The following ADAMTSL1 variants were observed in gnomAD, a reference collection of about 807,000 sequenced individuals.
The protein encoded by ADAMTSL1 is ADAMTS like 1.
A neutral mutation model predicts 201.8 loss-of-function variants in ADAMTSL1; 126 were observed. The observed-to-expected ratio is 0.62, with a 90% CI of 0.54 to 0.72. ADAMTSL1 has a LOEUF of 0.72. ADAMTSL1 is among the 30% of genes least tolerant of loss of function. ADAMTSL1 has a pLI of 0.00. For missense variants in ADAMTSL1, 2,679 were observed against 2,277.8 expected (o/e 1.18, Z -3.59); for synonymous variants, 1,121 against 903.4 (o/e 1.24, Z -4.32).
chr9:17,952,511 AC>A (rs1430809142), intron 1 of ADAMTSL1, among the ~76,000 whole-genome samples: 1 of 152,084 alleles, frequency 6.6e-6, no homozygotes, highest in African/African-American at 2.4e-5. Context: ...AGGTTCTCAT[AC>A]AAGTAGAGAA....
At position 18,525,299 on chromosome 9, in the gene ADAMTSL1, AT is replaced by A. The variant is rs540858653; in HGVS notation, c.192-7942del. 3.4e-3 allele frequency among the ~76,000 whole-genome samples: 521 copies of A among 152,088 alleles called. 1 individual carries two copies. The highest frequency in any genetic ancestry group is 0.012 in the African/African-American group (488 of 41,482). Reference sequence around the variant, plus strand: ...GATCAGTGGTGATATCCCCTTTATCATTTTTTATTGCATCTATTTGATTCTT... The same window carrying A: ...GATCAGTGGTGATATCCCCTTTATCATTTTTATTGCATCTATTTGATTCTT... On this transcript the variant is annotated intron_variant, in intron 2 of 28. Coordinates refer to ENST00000380548, the MANE Select transcript of ADAMTSL1 (RefSeq NM_001040272.6).
intron 2 of ADAMTSL1, among the ~76,000 whole-genome samples, chr9:18,333,728 A>G (rs1368511152): frequency 6.6e-6 from 1 of 152,200 alleles, no homozygotes; most frequent in Non-Finnish European, 1.5e-5. Context: ...CATTATAAGA[A>G]AAAAACAAAG....
intron 20 of ADAMTSL1, among the ~76,000 whole-genome samples, chr9:18,810,940 GT>G (rs992840177): frequency 3.9e-5 from 5 of 127,512 alleles, no homozygotes; most frequent in African/African-American, 1.5e-4. Context: ...AATTTGTTGG[GT>G]TTTCTTTTTG....
At chr9:17,978,197 C>T (rs72697419) in intron 1 of ADAMTSL1, among the ~76,000 whole-genome samples, 6,597 of 151,858 alleles carry the variant, frequency 0.043, 187 homozygotes, top group Non-Finnish European at 0.063. Context: ...TCCTTAAAGC[C>T]GAAGTGAGTC....
intron 2 of ADAMTSL1, among the ~76,000 whole-genome samples, chr9:18,425,715 A>T (rs1472056576): frequency 6.6e-6 from 1 of 151,654 alleles, no homozygotes; most frequent in Non-Finnish European, 1.5e-5. Flanking sequence ...AAAATAGCTG[A>T]GCAGGTGGTG....
intron 2 of ADAMTSL1, among the ~76,000 whole-genome samples, chr9:18,383,791 T>C (rs56790980): frequency 0.12 from 17,930 of 152,228 alleles, 1,134 homozygotes; most frequent in Middle Eastern, 0.15. Flanking sequence ...GAGGCCAAGC[T>C]CAGGTATGGA....
At chr9:18,812,854 A>G (rs1189330730) in intron 20 of ADAMTSL1, among the ~76,000 whole-genome samples, 3 of 151,666 alleles carry the variant, frequency 2.0e-5, no homozygotes, top group African/African-American at 7.3e-5. Flanking sequence ...TGAGTTCTCT[A>G]TTCTGTTCCA....
chr9:18,204,501 A>G (rs1829572449), intron 2 of ADAMTSL1, among the ~76,000 whole-genome samples: 2 of 152,276 alleles, frequency 1.3e-5, no homozygotes, highest in African/African-American at 4.8e-5. Flanking sequence ...AGTTCTTCAT[A>G]GTAGTATGAA....
At chr9:18,491,356 G>A (rs1022897630) in intron 1 of ADAMTSL1, among the ~76,000 whole-genome samples, 4 of 152,174 alleles carry the variant, frequency 2.6e-5, no homozygotes, top group African/African-American at 9.7e-5. Flanking sequence ...TGCTAAGCAT[G>A]TTAATGCAAT....
intron 23 of ADAMTSL1, among the ~76,000 whole-genome samples, chr9:18,865,075 A>T (rs1235732593): frequency 6.6e-6 from 1 of 152,064 alleles, no homozygotes; most frequent in Non-Finnish European, 1.5e-5. Flanking sequence ...GTTCTAGGGT[A>T]CATGTGCACA....
intron 1 of ADAMTSL1, among the ~76,000 whole-genome samples, chr9:18,130,943 C>G (rs1825926601): frequency 6.6e-6 from 1 of 152,118 alleles, no homozygotes; most frequent in East Asian, 1.9e-4. Flanking sequence ...AGTGGTTTTA[C>G]TCATTTCTAT....
At chr9:18,466,383 A>G (rs1563977293) in intron 2 of ADAMTSL1, among the ~76,000 whole-genome samples, 1 of 152,136 alleles carries the variant, frequency 6.6e-6, no homozygotes, top group Non-Finnish European at 1.5e-5. Flanking sequence ...GCCATACTCA[A>G]CAAGTTCCAA....
intron 4 of ADAMTSL1, among the ~76,000 whole-genome samples, chr9:18,603,399 T>C (rs1046730116): frequency 6.6e-6 from 1 of 151,762 alleles, no homozygotes; most frequent in Non-Finnish European, 1.5e-5. Flanking sequence ...TGCTATGCTA[T>C]GCTATGCTAT....
rs1587884319 is a variant in ADAMTSL1 at position 18,682,088 on chromosome 9, A to G, written c.1489+129A>G. 9 of 1,099,918 alleles carry G rather than the reference A, an allele frequency of 8.2e-6. No homozygotes were observed. The East Asian group carries it at 1.3e-4, about 16-fold the overall frequency. The allele number at this position is 1,099,918 out of a possible 1,614,324, so 68.1% of individuals were successfully genotyped here. A position where few individuals can be genotyped will look rare whatever the true frequency, so the allele number is the denominator to read the frequency against. On this transcript the variant is annotated intron_variant, in intron 12 of 28. Coordinates refer to ENST00000380548, the MANE Select transcript of ADAMTSL1 (RefSeq NM_001040272.6). ...AAGAATTCTTTATAACTTAAACTCT[A>G]CTAAAGGAATTTGATTATCTTAAAG...
At chr9:18,343,238 C>T (rs1835551744) in intron 2 of ADAMTSL1, among the ~76,000 whole-genome samples, 1 of 152,038 alleles carries the variant, frequency 6.6e-6, no homozygotes, top group Admixed American at 6.6e-5. Flanking sequence ...TTTTCTTTCT[C>T]TTTTAGGAAA....
rs1023157015 is a variant in ADAMTSL1, at chr9:18,910,643, C to T, written c.*2095C>T. ...CTAATGTGGTTAATTATTTCTAGTT[C>T]GATAGTGATTGAAAATCAGTGGTCA... On this transcript the variant is annotated 3_prime_UTR_variant, in exon 29 of 29. Coordinates refer to ENST00000380548, the MANE Select transcript of ADAMTSL1 (RefSeq NM_001040272.6). The T allele has an allele frequency of 3.9e-5, 6 of 152,182 alleles. No individual in the cohort carries two copies. Among genetic ancestry groups the T allele is most frequent in the African/African-American group, 1.4e-4 (6 of 41,430 alleles). 9.4% of individuals were successfully genotyped at this position (152,182 alleles called of 1,614,324 possible).
chr9:18,194,497 C>T (rs1029779686), intron 2 of ADAMTSL1, among the ~76,000 whole-genome samples: 1 of 152,078 alleles, frequency 6.6e-6, no homozygotes, highest in African/African-American at 2.4e-5. Context: ...CAATGTTAAC[C>T]CGTCTTGCTT....
intron 1 of ADAMTSL1, among the ~76,000 whole-genome samples, chr9:18,042,363 A>G (rs1821462219): frequency 6.6e-6 from 1 of 152,136 alleles, no homozygotes; most frequent in Non-Finnish European, 1.5e-5. Context: ...TAAAAAAGAA[A>G]TTTACTGAGT....
chr9:17,921,725 T>C (rs943067135), intron 1 of ADAMTSL1, among the ~76,000 whole-genome samples: 7 of 152,120 alleles, frequency 4.6e-5, no homozygotes, highest in Non-Finnish European at 7.4e-5. Context: ...CAGGGTCTAG[T>C]TCTGGATTTA....
Sources: allele counts gnomAD v4.1 joint callset (sites outside exome capture counted in the v4.1 genomes callset), GRCh38; gene constraint gnomAD v4.1.1; transcripts MANE v1.5; gene names NCBI Gene and HGNC (gene_info 2026-07-23, HGNC 2026-07-21).